Variants in KRTDAP observed in about 807,000 individuals in gnomAD.
The protein encoded by KRTDAP is keratinocyte differentiation-associated protein.
Under a neutral mutation model 18.6 loss-of-function variants are expected in KRTDAP, and 14 were observed. The ratio of observed to expected loss-of-function variants is 0.75; its 90% CI spans 0.50 to 1.18. KRTDAP has a LOEUF of 1.18. Ranked by LOEUF, KRTDAP falls within the 50% of genes most tolerant of loss-of-function variation. The probability of loss-of-function intolerance (pLI) is 0.00; values close to 1 mark genes in which losing one functional copy is unlikely to be tolerated. For synonymous variants in KRTDAP, 53 were observed against 49.5 expected (o/e 1.07, Z -0.29); for missense variants, 114 against 121.3 (o/e 0.94, Z 0.28).
intron 1 of KRTDAP, 50 bp downstream of exon 1, chr19:35,490,306 G>T: frequency 8.7e-7 from 1 of 1,148,264 alleles, no homozygotes; most frequent in Non-Finnish European, 1.3e-6. Context: ...AGAGATGGAG[G>T]GGTAGGTGGG....
At chr19:35,488,625 G>C in intron 3 of KRTDAP, 37 bp downstream of exon 3, 1 of 1,613,664 alleles carries the variant, frequency 6.2e-7, no homozygotes. Context: ...CTGTGATGAG[G>C]GTATTCGTGG....
At chr19:35,488,995 T>C (rs2067508302) in intron 1 of KRTDAP, among the ~76,000 whole-genome samples, 155 bp from the exon 2 acceptor site, 1 of 152,078 alleles carries the variant, frequency 6.6e-6, no homozygotes. Context: ...GTCGCGCACA[T>C]GGTTGGCGGA....
chr19:35,488,303 T>C, intron 4 of KRTDAP, 138 bp downstream of exon 4: 1 of 865,976 alleles, frequency 1.2e-6, no homozygotes. Context: ...GACAGCCCAT[T>C]GGGCAGCATC....
At chr19:35,489,536 CA>C (rs2067510945) in intron 1 of KRTDAP, among the ~76,000 whole-genome samples, 1 of 152,154 alleles carries the variant, frequency 6.6e-6, no homozygotes, top group Non-Finnish European at 1.5e-5. Flanking sequence ...CACATCTTCC[CA>C]ATCCATGGCG....
At chr19:35,488,320 G>C (rs1395634855) in intron 4 of KRTDAP, 121 bp downstream of exon 4, 14 of 1,013,562 alleles carry the variant, frequency 1.4e-5, no homozygotes, top group Non-Finnish European at 1.9e-5. Flanking sequence ...CATCCAGGCA[G>C]GACAGTCACT....
chr19:35,488,865 C>T (rs1333822837), intron 1 of KRTDAP, 25 bp from the exon 2 acceptor site: 10 of 1,612,514 alleles, frequency 6.2e-6, no homozygotes, highest in African/African-American at 5.3e-5. Flanking sequence ...GGAGAAAAGG[C>T]GGCAGGGGGT....
Position 35,488,814 on chromosome 19 carries a change from C to G in KRTDAP, c.114G>C (p.Ala38=). The G allele has an allele frequency of 1.9e-6, 3 of 1,614,100 alleles. 1 individual carries two copies. Among genetic ancestry groups the G allele is most frequent in the Middle Eastern group, 3.3e-4 (2 of 6,060 alleles). ...ACAGACGGCTTACCTCGGGTCGTGA[C>G]GCATAATTCTCAATGGTGCTTTCTT... ...PEEESTIENY[A]SRPEAFNTPF... Residue 38 remains alanine (A), a synonymous_variant, in exon 2 of 6, where the codon GCG becomes GCC. Coordinates refer to ENST00000338897, the MANE Select transcript of KRTDAP (RefSeq NM_207392.3).
In KRTDAP at chr19:35,487,475, A is replaced by T; in HGVS notation, c.262-9T>A. ...CTCCTCAGTCCTTTCAGCTAGAGGGAGAGGGGTCAGGGTTAGATGGGGAAC... is the reference window on the plus strand; with the variant it reads ...CTCCTCAGTCCTTTCAGCTAGAGGGTGAGGGGTCAGGGTTAGATGGGGAAC... On this transcript the variant is annotated splice_polypyrimidine_tract_variant and intron_variant, in intron 5 of 5. Coordinates refer to ENST00000338897, the MANE Select transcript of KRTDAP (RefSeq NM_207392.3). The T allele has an allele frequency of 2.5e-6, 4 of 1,613,666 alleles. No individual in the cohort carries two copies. The highest frequency in any genetic ancestry group is 3.4e-6 in the Non-Finnish European group (4 of 1,179,604).
chr19:35,487,843 C>T, intron 4 of KRTDAP, 84 bp from the exon 5 acceptor site: 4 of 816,658 alleles, frequency 4.9e-6, no homozygotes, highest in Non-Finnish European at 8.5e-6. Context: ...TGAACTCCCA[C>T]AGTAACCATA....
At chr19:35,488,372 A>T in intron 4 of KRTDAP, 69 bp downstream of exon 4, 1 of 1,532,748 alleles carries the variant, frequency 6.5e-7, no homozygotes, top group Non-Finnish European at 8.9e-7. Context: ...TTTAAAGCCA[A>T]AATGTGTGGC....
rs1599755547 is a variant in KRTDAP, at chr19:35,488,704, C to T, written c.127-1G>A. On this transcript the variant is annotated splice_acceptor_variant, in intron 2 of 5. Coordinates refer to ENST00000338897, the MANE Select transcript of KRTDAP (RefSeq NM_207392.3). LOFTEE classifies it high-confidence loss of function. ...TGTTCAGGAACGGGGTGTTAAAGGC[C>T]TAGGCAGAAACGCAGGGTGTTAGGA... 6.2e-7 allele frequency: 1 copy of T among 1,614,132 alleles called. No homozygotes were observed. The highest frequency in any genetic ancestry group is 8.5e-7 in the Non-Finnish European group (1 of 1,180,032).
At chr19:35,487,508 T>C in intron 5 of KRTDAP, 42 bp from the exon 6 acceptor site, 1 of 1,570,814 alleles carries the variant, frequency 6.4e-7, no homozygotes, top group African/African-American at 1.3e-5. Context: ...AACCCGTGGG[T>C]GCCCAGTATA....
In KRTDAP at chr19:35,488,809, C is replaced by T. The variant is rs748009780; in HGVS notation, c.119G>A (p.Arg40Gln). ...GGAAAACAGACGGCTTACCTCGGGT[C>T]GTGACGCATAATTCTCAATGGTGCT... ...EESTIENYAS[R>Q]PEAFNTPFLN... The change falls in exon 2 of 6, where the codon CGA (arginine) becomes CAA (glutamine). Residue 40 changes from arginine to glutamine, a missense_variant. Arg to Gln is a conservative substitution (Grantham distance 43). Coordinates refer to ENST00000338897, the MANE Select transcript of KRTDAP (RefSeq NM_207392.3). The T allele has an allele frequency of 1.9e-6, 3 of 1,613,946 alleles. No individual in the cohort carries two copies. Among genetic ancestry groups the T allele is most frequent in the African/African-American group, 1.3e-5 (1 of 74,890 alleles).
chr19:35,489,930 A>G (rs1007568), intron 1 of KRTDAP, among the ~76,000 whole-genome samples: 84,827 of 151,856 alleles, frequency 0.56, 26,281 homozygotes, highest in African/African-American at 0.85. Flanking sequence ...CACCCTCTCC[A>G]CCTGCTGCCC....
At chr19:35,490,304 AG>A (rs1290169056) in intron 1 of KRTDAP, 51 bp downstream of exon 1, 88 of 1,128,928 alleles carry the variant, frequency 7.8e-5, no homozygotes, top group Non-Finnish European at 5.2e-5. Flanking sequence ...AGAGAGATGG[AG>A]GGGTAGGTGG....
At chr19:35,487,782 G>A in intron 4 of KRTDAP, 23 bp from the exon 5 acceptor site, 3 of 1,594,776 alleles carry the variant, frequency 1.9e-6, no homozygotes, top group Non-Finnish European at 1.7e-6. Flanking sequence ...AAGAGAAAGA[G>A]AGTGATGTGT....
intron 2 of KRTDAP, 21 bp downstream of exon 2, chr19:35,488,781 C>T (rs774737768): frequency 1.2e-5 from 20 of 1,613,856 alleles, no homozygotes; most frequent in African/African-American, 2.7e-5. Context: ...GCTGGAGGGC[C>T]GGGGAAAACA....
intron 4 of KRTDAP, among the ~76,000 whole-genome samples, 173 bp downstream of exon 4, chr19:35,488,268 G>A (rs576423018): frequency 6.6e-5 from 10 of 152,312 alleles, no homozygotes; most frequent in African/African-American, 2.4e-4. Flanking sequence ...GCCAGGACTG[G>A]CGCCGGGGGA....
chr19:35,490,416 C>A lies in KRTDAP; in HGVS notation c.27G>T (p.Val9=), dbSNP rs762919727. 1.2e-6 allele frequency: 2 copies of A among 1,613,632 alleles called. No homozygotes were observed. The highest frequency in any genetic ancestry group is 1.3e-5 in the African/African-American group (1 of 74,894). Residue 9 remains valine (V), a synonymous_variant, in exon 1 of 6, where the codon GTG becomes GTT. Transcript: ENST00000338897. The part of the protein sequence containing the change: MKIPVLPA[V]VLLSLLVLHS... ...GGAGCACCAGGAGGGAGAGGAGCAC[C>A]ACGGCAGGAAGGACCGGGATCTTCA...
Sources: gnomAD v4.1 joint callset for allele counts (sites outside exome capture counted in the v4.1 genomes callset) on GRCh38, gnomAD v4.1.1 for gene constraint, MANE v1.5 for transcripts, NCBI Gene and HGNC (gene_info 2026-07-23, HGNC 2026-07-21) for gene names.